Variants in ARMH3 observed in about 807,000 individuals in gnomAD.
ARMH3 encodes armadillo like helical domain containing 3.
A neutral mutation model predicts 99.1 loss-of-function variants in ARMH3; 60 were observed. The ratio of observed to expected loss-of-function variants is 0.61; its 90% CI spans 0.49 to 0.75. ARMH3 has a LOEUF of 0.75. Ranked by LOEUF, ARMH3 falls within the 30% of genes least tolerant of loss-of-function variation. The pLI, the probability that ARMH3 is intolerant of heterozygous loss-of-function variation, is 0.00. For synonymous variants in ARMH3, 285 were observed against 292.8 expected (o/e 0.97, Z 0.27); for missense variants, 679 against 843.1 (o/e 0.81, Z 2.41).
At chr10:102,000,266 T>C (rs1031878702) in intron 15 of ARMH3, among the ~76,000 whole-genome samples, 1 of 152,040 alleles carries the variant, frequency 6.6e-6, no homozygotes, top group African/African-American at 2.4e-5. Flanking sequence ...GAAGAAAAAA[T>C]GCTAGCTCAG....
chr10:101,981,003 G>A (rs1250300983), intron 19 of ARMH3, among the ~76,000 whole-genome samples: 3 of 148,936 alleles, frequency 2.0e-5, no homozygotes, highest in Admixed American at 6.8e-5. Context: ...AGTGGGAGCT[G>A]AACATTGAGA....
chr10:101,934,977 A>C (rs1843889403), intron 23 of ARMH3, among the ~76,000 whole-genome samples: 1 of 151,878 alleles, frequency 6.6e-6, no homozygotes, highest in South Asian at 2.1e-4. Context: ...CTCCTCTAAA[A>C]CACAGCAGCC....
At chr10:101,889,300 G>T in intron 24 of ARMH3, 112 bp downstream of exon 24, 1 of 1,023,174 alleles carries the variant, frequency 9.8e-7, no homozygotes, top group Non-Finnish European at 1.6e-6. Flanking sequence ...CAGCAGCCTG[G>T]CCCTGGTCAC....
At chr10:101,918,783 T>C (rs909940975) in intron 23 of ARMH3, among the ~76,000 whole-genome samples, 2 of 152,224 alleles carry the variant, frequency 1.3e-5, no homozygotes, top group African/African-American at 4.8e-5. Context: ...ATTTGTAATG[T>C]ATCCCTAACT....
At chr10:102,044,939 C>G (rs759476334) in intron 1 of ARMH3, among the ~76,000 whole-genome samples, 1 of 151,982 alleles carries the variant, frequency 6.6e-6, no homozygotes, top group Non-Finnish European at 1.5e-5. Flanking sequence ...AGTTCGAGAA[C>G]AGCCTGGGCA....
chr10:101,942,773 G>A (rs1288047876), intron 22 of ARMH3, among the ~76,000 whole-genome samples: 4 of 151,966 alleles, frequency 2.6e-5, no homozygotes, highest in Admixed American at 2.6e-4. Context: ...GGCTGAGGCA[G>A]GAGAATTGCT....
intron 20 of ARMH3, among the ~76,000 whole-genome samples, chr10:101,970,575 A>G (rs1845720489): frequency 6.6e-6 from 1 of 152,182 alleles, no homozygotes; most frequent in Non-Finnish European, 1.5e-5. Flanking sequence ...TAATCCCAAC[A>G]ATTTGGGAGG....
At chr10:101,939,418 C>A (rs1844135599) in intron 23 of ARMH3, among the ~76,000 whole-genome samples, 1 of 152,114 alleles carries the variant, frequency 6.6e-6, no homozygotes. Context: ...TCATAAGCAA[C>A]CTAAAATGAC....
intron 24 of ARMH3, among the ~76,000 whole-genome samples, chr10:101,866,378 AT>A (rs1017224782): frequency 3.9e-5 from 6 of 152,022 alleles, no homozygotes; most frequent in African/African-American, 1.4e-4. Context: ...GAGTCAGAGC[AT>A]TACAAGAAGA....
chr10:101,934,002 G>A (rs187748178), intron 23 of ARMH3, among the ~76,000 whole-genome samples: 7 of 152,328 alleles, frequency 4.6e-5, no homozygotes, highest in East Asian at 1.9e-4. Context: ...GCCCAAACAG[G>A]TGAGTGGGCA....
chr10:101,957,772 A>C (rs1845107060), intron 20 of ARMH3, 40 bp from the exon 21 acceptor site: 1 of 1,530,242 alleles, frequency 6.5e-7, no homozygotes, highest in African/African-American at 1.4e-5. Flanking sequence ...AGCTATTCAA[A>C]CCATGATTAA....
chr10:101,991,329 C>T (rs1038521094), intron 18 of ARMH3, among the ~76,000 whole-genome samples: 1 of 152,138 alleles, frequency 6.6e-6, no homozygotes, highest in Non-Finnish European at 1.5e-5. Flanking sequence ...AAACCATGAA[C>T]TTCAAGCCTC....
At chr10:101,919,336 T>C (rs1455428176) in intron 23 of ARMH3, among the ~76,000 whole-genome samples, 1 of 152,206 alleles carries the variant, frequency 6.6e-6, no homozygotes, top group Non-Finnish European at 1.5e-5. Flanking sequence ...TGAATGGTCA[T>C]TCAAAGGCAG....
chr10:101,968,041 T>TAA (rs879506217), intron 20 of ARMH3, among the ~76,000 whole-genome samples: 1 of 144,742 alleles, frequency 6.9e-6, no homozygotes, highest in South Asian at 2.2e-4. Flanking sequence ...GTGTATCTGC[T>TAA]AAAAAAAAAA....
intron 23 of ARMH3, among the ~76,000 whole-genome samples, chr10:101,914,864 CAAAAAAAAAAA>C (rs373264871): frequency 1.5e-5 from 1 of 66,600 alleles, no homozygotes; most frequent in Non-Finnish European, 2.7e-5. Flanking sequence ...AAATCCATCT[CAAAAAAAAAAA>C]AAAAAAAAAA....
chr10:101,860,113 A>G (rs750404005), intron 24 of ARMH3, among the ~76,000 whole-genome samples: 1 of 152,204 alleles, frequency 6.6e-6, no homozygotes, highest in Non-Finnish European at 1.5e-5. Context: ...ATGTTTTAGT[A>G]AATTATCTTA....
chr10:102,024,501 C>T (rs1191336099), intron 6 of ARMH3, among the ~76,000 whole-genome samples: 3 of 150,694 alleles, frequency 2.0e-5, no homozygotes, highest in East Asian at 2.0e-4. Flanking sequence ...CAGAATCCTC[C>T]GGGCGCGGTG....
chr10:101,972,579 G>T (rs1413836919), intron 20 of ARMH3, among the ~76,000 whole-genome samples: 3 of 152,196 alleles, frequency 2.0e-5, no homozygotes, highest in Admixed American at 2.0e-4. Flanking sequence ...AGAGGTAGGT[G>T]GATCTGCCAT....
chr10:101,965,909 T>A (rs572935363), intron 20 of ARMH3, among the ~76,000 whole-genome samples: 83 of 152,280 alleles, frequency 5.5e-4, no homozygotes, highest in African/African-American at 1.8e-3. Context: ...GTCCTGTGCA[T>A]CATATCTGCT....
Sources: gnomAD v4.1 joint callset for allele counts (sites outside exome capture counted in the v4.1 genomes callset) on GRCh38, gnomAD v4.1.1 for gene constraint, MANE v1.5 for transcripts, NCBI Gene and HGNC (gene_info 2026-07-23, HGNC 2026-07-21) for gene names.